The following SCMH1 variants were observed in gnomAD, a reference collection of about 807,000 sequenced individuals.
SCMH1 encodes the protein Scm polycomb group protein homolog 1, also known as polycomb protein SCMH1.
In SCMH1, 37 loss-of-function variants were observed where a neutral mutation model predicts 70.8. That is an observed-to-expected ratio of 0.52 (90% CI 0.40 to 0.69). SCMH1 has a LOEUF of 0.69. Ranked by LOEUF, SCMH1 falls within the 30% of genes least tolerant of loss-of-function variation. The pLI is 0.00. For missense variants in SCMH1, 607 were observed against 827.3 expected (o/e 0.73, Z 3.27); for synonymous variants, 292 against 307.4 (o/e 0.95, Z 0.52).
At chr1:41,181,971 T>G (rs1453655121) in intron 2 of SCMH1, among the ~76,000 whole-genome samples, 1 of 152,206 alleles carries the variant, frequency 6.6e-6, no homozygotes, top group Non-Finnish European at 1.5e-5. Flanking sequence ...AATGATAGAC[T>G]GGATTAAGAA....
At chr1:41,084,705 T>C (rs1661074357) in intron 8 of SCMH1, among the ~76,000 whole-genome samples, 1 of 152,086 alleles carries the variant, frequency 6.6e-6, no homozygotes, top group South Asian at 2.1e-4. Context: ...CTATTCATAA[T>C]AGCAAAGACT....
At chr1:41,136,704 C>A (rs985670398) in intron 6 of SCMH1, among the ~76,000 whole-genome samples, 5 of 150,472 alleles carry the variant, frequency 3.3e-5, no homozygotes, top group African/African-American at 4.9e-5. Flanking sequence ...GCCTACTCTC[C>A]TTTTTTCTTT....
chr1:41,093,842 T>G (rs1299889231), intron 8 of SCMH1, among the ~76,000 whole-genome samples: 2 of 152,264 alleles, frequency 1.3e-5, no homozygotes, highest in Admixed American at 1.3e-4. Context: ...TCCAAAATTC[T>G]AATTTTCATT....
chr1:41,231,361 T>C (rs1435758365), intron 1 of SCMH1, among the ~76,000 whole-genome samples: 1 of 152,200 alleles, frequency 6.6e-6, no homozygotes, highest in African/African-American at 2.4e-5. Flanking sequence ...AGAAATAACA[T>C]CTAAAATTAG....
Position 41,034,008 on chromosome 1 carries a change from T to C in SCMH1, c.1678+3354A>G, listed in dbSNP as rs776619866. ...CTGGGGAACGATTTAGTTTCCAAAA[T>C]GATTCCATATCCCTTCTTTCATTTG... On this transcript the variant is annotated intron_variant, in intron 13 of 14. Coordinates refer to ENST00000337495, the Ensembl canonical transcript of SCMH1. The C allele has an allele frequency of 3.7e-6, 6 of 1,613,916 alleles. No individual in the cohort carries two copies. The African/African-American group carries it at 8.0e-5, about 22-fold the overall frequency.
intron 2 of SCMH1, among the ~76,000 whole-genome samples, chr1:41,176,264 G>A (rs75764666): frequency 0.013 from 1,958 of 151,372 alleles, 41 homozygotes; most frequent in African/African-American, 0.045. Flanking sequence ...AACAAAATCC[G>A]GGGGGTGGCA....
intron 1 of SCMH1, among the ~76,000 whole-genome samples, chr1:41,217,132 A>C (rs1658265985): frequency 6.6e-6 from 1 of 152,234 alleles, no homozygotes; most frequent in South Asian, 2.1e-4. Context: ...AGTTGGTAGA[A>C]ATATGAGCAC....
intron 12 of SCMH1, among the ~76,000 whole-genome samples, chr1:41,038,298 C>T (rs1306992226): frequency 6.6e-6 from 1 of 152,198 alleles, no homozygotes; most frequent in Non-Finnish European, 1.5e-5. Flanking sequence ...CACCAGGCGG[C>T]AGCACCCAAT....
At chr1:41,215,215 T>C (rs1157648897) in intron 1 of SCMH1, among the ~76,000 whole-genome samples, 1 of 152,180 alleles carries the variant, frequency 6.6e-6, no homozygotes, top group Non-Finnish European at 1.5e-5. Flanking sequence ...TACAGAGAAT[T>C]AGTAAATAGC....
At chr1:41,099,029 G>T (rs1036756463) in intron 8 of SCMH1, 1 of 255,936 alleles carries the variant, frequency 3.9e-6, no homozygotes, top group Non-Finnish European at 7.8e-6. Flanking sequence ...TGACACTGAT[G>T]TGGTCAACAC....
intron 6 of SCMH1, among the ~76,000 whole-genome samples, chr1:41,138,060 T>G (rs1016494096): frequency 3.3e-5 from 5 of 152,196 alleles, no homozygotes; most frequent in Non-Finnish European, 5.9e-5. Context: ...GATGAAGAGC[T>G]TTCTCTAATT....
chr1:41,232,711 A>C lies in SCMH1; in HGVS notation c.-118+9348T>G, dbSNP rs977570483. On this transcript the variant is annotated intron_variant, in intron 1 of 14. Coordinates refer to ENST00000337495, the Ensembl canonical transcript of SCMH1. ...TAAAAATAACGTGTTTATACGTTTC[A>C]ACATATTTGACAGATACTCAAAAAA... is the stretch of plus-strand genomic sequence containing the variant. 2.6e-5 allele frequency among the ~76,000 whole-genome samples: 4 copies of C among 152,222 alleles called. No homozygotes were observed. The East Asian group carries it at 5.8e-4, about 22-fold the overall frequency.
intron 6 of SCMH1, among the ~76,000 whole-genome samples, chr1:41,138,723 CA>C (rs1240847146): frequency 6.6e-6 from 1 of 151,888 alleles, no homozygotes; most frequent in Non-Finnish European, 1.5e-5. Flanking sequence ...GTATTTTTTT[CA>C]TATCTGCCAA....
At chr1:41,165,045 C>G (rs1256471786) in intron 2 of SCMH1, among the ~76,000 whole-genome samples, 1 of 151,898 alleles carries the variant, frequency 6.6e-6, no homozygotes, top group Non-Finnish European at 1.5e-5. Flanking sequence ...TTTTTCTATA[C>G]TCACCCCTCC....
intron 2 of SCMH1, among the ~76,000 whole-genome samples, chr1:41,162,167 A>G (rs1414599381): frequency 6.6e-6 from 1 of 151,848 alleles, no homozygotes; most frequent in Non-Finnish European, 1.5e-5. Flanking sequence ...AGACCCAGGT[A>G]CCCCTGCACT....
chr1:41,228,256 G>T (rs1313954460), intron 1 of SCMH1, among the ~76,000 whole-genome samples: 1 of 152,076 alleles, frequency 6.6e-6, no homozygotes, highest in Non-Finnish European at 1.5e-5. Context: ...TACTTATTGG[G>T]ACTCCACAAT....
At chr1:41,046,930 T>G (rs1216651593) in intron 11 of SCMH1, among the ~76,000 whole-genome samples, 1 of 152,172 alleles carries the variant, frequency 6.6e-6, no homozygotes, top group Admixed American at 6.5e-5. Context: ...GGAAATCTGC[T>G]CATTTAGGGT....
At chr1:41,216,536 A>G (rs1658122903) in intron 1 of SCMH1, among the ~76,000 whole-genome samples, 1 of 152,216 alleles carries the variant, frequency 6.6e-6, no homozygotes, top group African/African-American at 2.4e-5. Flanking sequence ...AGAAGTCTGT[A>G]AAAGTAAAGC....
At chr1:41,090,908 G>A (rs553739413) in intron 8 of SCMH1, among the ~76,000 whole-genome samples, 3 of 151,912 alleles carry the variant, frequency 2.0e-5, no homozygotes, top group South Asian at 2.1e-4. Context: ...GCGCAGTGGC[G>A]GGTGCCTGTA....
Sources: allele counts gnomAD v4.1 joint callset (sites outside exome capture counted in the v4.1 genomes callset), GRCh38; gene constraint gnomAD v4.1.1; transcripts MANE v1.5; gene names NCBI Gene and HGNC (gene_info 2026-07-23, HGNC 2026-07-21).